The following NBPF12 variants were observed in gnomAD, a reference collection of about 807,000 sequenced individuals.
NBPF12 encodes the protein NBPF member 12.
In NBPF12, 115 loss-of-function variants were observed where a neutral mutation model predicts 146.4. The observed-to-expected ratio is 0.79, with a 90% CI of 0.68 to 0.92. The LOEUF is 0.92. NBPF12 is among the 40% of genes least tolerant of loss of function. The probability of loss-of-function intolerance (pLI) is 0.00; values close to 1 mark genes in which losing one functional copy is unlikely to be tolerated. For synonymous variants in NBPF12, 385 were observed against 508.9 expected (o/e 0.76, Z 3.28); for missense variants, 1,205 against 1,326.8 (o/e 0.91, Z 1.43).
intron 1 of NBPF12, among the ~76,000 whole-genome samples, chr1:146,940,483 G>C (rs1242987633): frequency 2.6e-5 from 4 of 151,956 alleles, no homozygotes; most frequent in Admixed American, 6.6e-5. Context: ...CAGAGCCCGG[G>C]AGGTTGAGAT....
intron 1 of NBPF12, among the ~76,000 whole-genome samples, chr1:146,949,971 A>G (rs1370138630): frequency 2.0e-5 from 3 of 151,976 alleles, no homozygotes; most frequent in Non-Finnish European, 4.4e-5. Flanking sequence ...GATCCAGTTC[A>G]TGCGGTAACC....
intron 4 of NBPF12, among the ~76,000 whole-genome samples, chr1:146,961,628 T>G (rs1385928027): frequency 0.017 from 2,597 of 151,830 alleles, 85 homozygotes; most frequent in African/African-American, 0.06. Flanking sequence ...TGGCCTTATT[T>G]TCTTATGTCT....
At chr1:146,944,951 TCTTCCTCCCTCC>T (rs1436329761), upstream of NBPF12, among the ~76,000 whole-genome samples, 1,258 of 38,392 alleles carry the variant, frequency 0.033, 101 homozygotes, top group African/African-American at 0.14. Context: ...TCCCTTCTTT[TCTTCCTCCCTCC>T]CTTCCTCCCT....
At chr1:146,995,515 C>G (rs1275576880) in exon 34 of NBPF12, 5 of 150,966 alleles carry the variant, frequency 3.3e-5, no homozygotes, top group African/African-American at 9.8e-5. Context: ...TTTTGAACCC[C>G]AAATATTTCC....
chr1:146,972,693 A>G, intron 13 of NBPF12, 58 bp from the exon 17 acceptor site: 2 of 1,323,780 alleles, frequency 1.5e-6, no homozygotes, highest in East Asian at 2.3e-5. Flanking sequence ...GTCCTGATTA[A>G]GCCTATTTCA....
intron 4 of NBPF12, among the ~76,000 whole-genome samples, chr1:146,961,114 C>A (rs1655821864): frequency 6.6e-6 from 1 of 151,982 alleles, no homozygotes; most frequent in African/African-American, 2.4e-5. Flanking sequence ...CTATTGCACT[C>A]CAGCATGGGT....
chr1:146,963,426 G>A, intron 6 of NBPF12, 117 bp downstream of exon 9: 6 of 1,595,936 alleles, frequency 3.8e-6, no homozygotes, highest in South Asian at 3.3e-5. Flanking sequence ...ACACATATGT[G>A]GCCATGACAT....
At chr1:146,974,925 T>A (rs1656883814) in intron 15 of NBPF12, 84 bp downstream of exon 18, 2 of 667,910 alleles carry the variant, frequency 3.0e-6, no homozygotes, top group Non-Finnish European at 4.9e-6. Context: ...ACGTAAGAGC[T>A]AAGCTGGGCC....
chr1:146,957,891 A>ATGTAT (rs1655667781), intron 2 of NBPF12, among the ~76,000 whole-genome samples: 1 of 45,600 alleles, frequency 2.2e-5, no homozygotes, highest in African/African-American at 1.3e-4. Flanking sequence ...ATGTATATAC[A>ATGTAT]CATATATATA....
At chr1:146,948,298 C>T (rs1162351787), upstream of NBPF12, among the ~76,000 whole-genome samples, 17 of 151,920 alleles carry the variant, frequency 1.1e-4, no homozygotes, top group East Asian at 3.9e-4. Flanking sequence ...ATATGAGCCA[C>T]GGCCTGACCT....
Position 146,970,531 on chromosome 1 carries a change from G to T in NBPF12, c.1307-116G>T, listed in dbSNP as rs1656532220. 9.6e-6 allele frequency: 13 copies of T among 1,356,112 alleles called. 1 individual carries two copies. In the East Asian group the frequency reaches 3.0e-4, roughly 31 times the overall value. 84.0% of individuals were successfully genotyped at this position (1,356,112 alleles called of 1,614,324 possible). A position where few individuals can be genotyped will look rare whatever the true frequency, so the allele number is the denominator to read the frequency against. ...ATTTTGTGAAAGATAAAACATGAGA[G>T]TTTTCAGTACAATGCTGAACCATAC... On this transcript the variant is annotated intron_variant, in intron 11 of 33. Transcript: ENST00000617844.
chr1:146,941,821 C>G (rs1455787489), intron 1 of NBPF12, among the ~76,000 whole-genome samples: 1 of 143,220 alleles, frequency 7.0e-6, no homozygotes, highest in Admixed American at 6.9e-5. Context: ...AATATGAACA[C>G]ACTTTTCTAT....
chr1:146,948,226 G>T (rs1263633225), upstream of NBPF12, among the ~76,000 whole-genome samples: 1,092 of 151,396 alleles, frequency 7.2e-3, 15 homozygotes, highest in Middle Eastern at 0.014. Flanking sequence ...GGCCAGGTTG[G>T]TCTCTAACTC....
At chr1:146,984,269 T>C in intron 21 of NBPF12, 84 bp downstream of exon 24, 1 of 833,036 alleles carries the variant, frequency 1.2e-6, no homozygotes, top group Non-Finnish European at 2.1e-6. Context: ...ACGCTGAAAA[T>C]AATGATTTTG....
At chr1:146,950,449 A>G (rs1217026396) in intron 1 of NBPF12, among the ~76,000 whole-genome samples, 1 of 151,900 alleles carries the variant, frequency 6.6e-6, no homozygotes, top group Admixed American at 6.6e-5. Context: ...TGGAGGGGAT[A>G]AAGAAGTCAC....
upstream of NBPF12, among the ~76,000 whole-genome samples, chr1:146,948,719 C>A (rs1356164180): frequency 6.6e-6 from 1 of 151,796 alleles, no homozygotes; most frequent in African/African-American, 2.4e-5. Context: ...TGTCCCCCAG[C>A]CCGACACCCG....
chr1:146,942,189 A>G (rs2746940), intron 1 of NBPF12, among the ~76,000 whole-genome samples: 11 of 151,408 alleles, frequency 7.3e-5, no homozygotes, highest in South Asian at 2.1e-4. Flanking sequence ...GGGTCTTCCT[A>G]TGGTGCCCAG....
At chr1:146,978,536 T>G (rs1553887644) in intron 18 of NBPF12, among the ~76,000 whole-genome samples, 7 of 150,504 alleles carry the variant, frequency 4.7e-5, no homozygotes, top group East Asian at 1.9e-4. Context: ...AATCACAGAT[T>G]CTTTTTAAAG....
chr1:146,944,854 C>CTTT (rs1219189871), upstream of NBPF12, among the ~76,000 whole-genome samples: 1,919 of 149,230 alleles, frequency 0.013, 59 homozygotes, highest in African/African-American at 0.047. Context: ...TTCTCTCTCT[C>CTTT]ATTCTTTCCC....
Sources: allele counts gnomAD v4.1 joint callset (sites outside exome capture counted in the v4.1 genomes callset), GRCh38; gene constraint gnomAD v4.1.1; transcripts MANE v1.5; gene names NCBI Gene and HGNC (gene_info 2026-07-23, HGNC 2026-07-21).